Variants in KYAT1 observed in about 807,000 individuals in gnomAD.
The protein encoded by KYAT1 is kynurenine aminotransferase 1.
In KYAT1, 47 loss-of-function variants were observed where a neutral mutation model predicts 52.4. The ratio of observed to expected loss-of-function variants is 0.90; its 90% CI spans 0.71 to 1.14. The LOEUF (loss-of-function observed/expected upper bound fraction) is 1.14. KYAT1 is among the 50% of genes most tolerant of loss of function. The pLI is 0.00. For missense variants in KYAT1, 480 were observed against 557.9 expected (o/e 0.86, Z 1.41); for synonymous variants, 212 against 209.6 (o/e 1.01, Z -0.10).
In KYAT1 at chr9:128,868,606, G is replaced by A. The variant is rs1455718901; in HGVS notation, c.-7+13291C>T. Among the ~76,000 whole-genome samples the A allele has an allele frequency of 2.0e-5, 3 of 151,988 alleles. No individual in the cohort carries two copies. The East Asian group carries it at 5.8e-4, about 29-fold the overall frequency. On this transcript the variant is annotated intron_variant, in intron 1 of 12. Transcript: ENST00000302586. Reference sequence around the variant, plus strand: ...GGATGGAGTGCAGTGGTGCGATCACGGCTCACTACAGCCTTGTTCTCATAG... The same window carrying A: ...GGATGGAGTGCAGTGGTGCGATCACAGCTCACTACAGCCTTGTTCTCATAG...
At chr9:128,849,385 T>C (rs1833591432) in intron 1 of KYAT1, among the ~76,000 whole-genome samples, 1 of 115,732 alleles carries the variant, frequency 8.6e-6, no homozygotes, top group Admixed American at 1.2e-4. Flanking sequence ...CACTCCAGGC[T>C]GGGTGACAGA....
At chr9:128,842,410 T>A (rs1265899149) in intron 3 of KYAT1, among the ~76,000 whole-genome samples, 2 of 152,184 alleles carry the variant, frequency 1.3e-5, no homozygotes, top group Non-Finnish European at 2.9e-5. Context: ...TCGCACGATA[T>A]CCCATCCTCC....
intron 1 of KYAT1, among the ~76,000 whole-genome samples, chr9:128,877,531 T>C (rs911712749): frequency 6.6e-6 from 1 of 152,138 alleles, no homozygotes; most frequent in Non-Finnish European, 1.5e-5. Flanking sequence ...ATTTCCAAAG[T>C]CCAAATTCTG....
intron 1 of KYAT1, chr9:128,846,657 AC>A: frequency 7.4e-7 from 1 of 1,342,712 alleles, no homozygotes; most frequent in Non-Finnish European, 1.0e-6. Context: ...CCTGAGAGCC[AC>A]CAAACTCAGG....
chr9:128,879,366 TGGCCCCAGGTCTG>T (rs1838489847), intron 1 of KYAT1, among the ~76,000 whole-genome samples: 1 of 151,794 alleles, frequency 6.6e-6, no homozygotes, highest in Admixed American at 6.6e-5. Flanking sequence ...GAGTGGGATG[TGGCCCCAGGTCTG>T]TTCTGGCAGG....
chr9:128,843,382 C>CTT (rs542736022), intron 2 of KYAT1, among the ~76,000 whole-genome samples: 2,104 of 139,850 alleles, frequency 0.015, 18 homozygotes, highest in Non-Finnish European at 0.021. Context: ...AAGAAATCAT[C>CTT]TTTTTTTTTT....
At chr9:128,863,411 T>G (rs544826939) in intron 1 of KYAT1, among the ~76,000 whole-genome samples, 1 of 151,750 alleles carries the variant, frequency 6.6e-6, no homozygotes, top group African/African-American at 2.4e-5. Context: ...GGTGGGCAGA[T>G]CGCTTGAGCT....
chr9:128,843,599 G>A (rs2997901), intron 2 of KYAT1, among the ~76,000 whole-genome samples: 2 of 151,960 alleles, frequency 1.3e-5, no homozygotes, highest in Non-Finnish European at 2.9e-5. Flanking sequence ...GGCTGGTCTC[G>A]AACTCCTGAC....
At chr9:128,867,788 T>C (rs1836613023) in intron 1 of KYAT1, among the ~76,000 whole-genome samples, 1 of 152,270 alleles carries the variant, frequency 6.6e-6, no homozygotes, top group Non-Finnish European at 1.5e-5. Context: ...TGTTTGTTTG[T>C]TTGAGACGGA....
At chr9:128,835,940 A>T in intron 8 of KYAT1, 57 bp downstream of exon 8, 1 of 1,600,382 alleles carries the variant, frequency 6.2e-7, no homozygotes, top group Non-Finnish European at 8.6e-7. Context: ...TCTCAGGCCC[A>T]CCTCACTTGC....
chr9:128,865,308 CAT>C (rs869044608), intron 1 of KYAT1, among the ~76,000 whole-genome samples: 10 of 36,944 alleles, frequency 2.7e-4, no homozygotes, highest in African/African-American at 7.1e-4. Flanking sequence ...GCAGAGCCTA[CAT>C]ATATATATAT....
intron 6 of KYAT1, 137 bp from the exon 7 acceptor site, chr9:128,837,059 C>T (rs1386152769): frequency 1.3e-5 from 14 of 1,092,424 alleles, no homozygotes; most frequent in East Asian, 5.3e-5. Flanking sequence ...TTTGGGAGGC[C>T]GAGGCGGGCG....
intron 1 of KYAT1, among the ~76,000 whole-genome samples, chr9:128,874,489 T>G (rs1837679624): frequency 6.6e-6 from 1 of 151,550 alleles, no homozygotes; most frequent in Non-Finnish European, 1.5e-5. Flanking sequence ...TTTTTTTTTT[T>G]TGTAAAGATG....
intron 1 of KYAT1, among the ~76,000 whole-genome samples, chr9:128,852,794 T>C (rs954557498): frequency 6.6e-6 from 1 of 152,254 alleles, no homozygotes; most frequent in Admixed American, 6.5e-5. Context: ...GCATCCCTAC[T>C]TATGCCATGT....
Position 128,865,332 on chromosome 9 carries a change from TATATATATATATATATATATATATA to T in KYAT1, c.-7+16540_-7+16564del, listed in dbSNP as rs1836125512. Among the ~76,000 whole-genome samples the T allele has an allele frequency of 3.0e-3, 7 of 2,360 alleles. 1 individual carries two copies. The highest frequency in any genetic ancestry group is 6.8e-3 in the Admixed American group (1 of 146). 1.5% of individuals were successfully genotyped at this position (2,360 alleles called of 152,430 possible). A position where few individuals can be genotyped will look rare whatever the true frequency, so the allele number is the denominator to read the frequency against. On this transcript the variant is annotated intron_variant, in intron 1 of 12. Coordinates refer to ENST00000302586, the MANE Select transcript of KYAT1 (RefSeq NM_004059.5). ...ACATATATATATATATATATATATATATATATATATATATATATATATATATATTTTTTTTTTTTTTTTTTTTGAG... is the reference window on the plus strand; with the variant it reads ...ACATATATATATATATATATATATATTATTTTTTTTTTTTTTTTTTTTGAG...
intron 1 of KYAT1, among the ~76,000 whole-genome samples, chr9:128,867,754 C>G (rs190908393): frequency 6.6e-6 from 1 of 152,130 alleles, no homozygotes; most frequent in Admixed American, 6.5e-5. Flanking sequence ...AGGTTGATTT[C>G]AAAACTTATT....
At chr9:128,848,588 C>T (rs868263903) in intron 1 of KYAT1, among the ~76,000 whole-genome samples, 85 of 151,288 alleles carry the variant, frequency 5.6e-4, no homozygotes, top group African/African-American at 1.7e-3. Context: ...GAGGCTGAGG[C>T]GAGTGGATCA....
intron 1 of KYAT1, among the ~76,000 whole-genome samples, chr9:128,865,330 TATATATATATATATATATA>T (rs1836114057): frequency 2.9e-3 from 7 of 2,456 alleles, no homozygotes; most frequent in African/African-American, 4.4e-3. Flanking sequence ...TATATATATA[TATATATATATATATATATA>T]TATATATATA....
At chr9:128,841,180 A>G (rs1172154197) in intron 3 of KYAT1, among the ~76,000 whole-genome samples, 2 of 150,322 alleles carry the variant, frequency 1.3e-5, no homozygotes, top group African/African-American at 4.9e-5. Flanking sequence ...GACCAACCGG[A>G]CTAACATGGT....
Sources: allele counts gnomAD v4.1 joint callset (sites outside exome capture counted in the v4.1 genomes callset), GRCh38; gene constraint gnomAD v4.1.1; transcripts MANE v1.5; gene names NCBI Gene and HGNC (gene_info 2026-07-23, HGNC 2026-07-21).